MACROH2A2: variants seen among roughly 807,000 people sequenced by gnomAD.
The protein encoded by MACROH2A2 is macroH2A.2 histone, also known as core histone macro-H2A.2.
Under a neutral mutation model 37.6 loss-of-function variants are expected in MACROH2A2, and 6 were observed. That is an observed-to-expected ratio of 0.16 (90% CI 0.09 to 0.32). The LOEUF (loss-of-function observed/expected upper bound fraction) is 0.32. Ranked by LOEUF, MACROH2A2 falls within the 10% of genes least tolerant of loss-of-function variation. The pLI is 1.00. For missense variants in MACROH2A2, 290 were observed against 485.9 expected, an observed-to-expected ratio of 0.60 and a Z score of 3.79; for synonymous variants, 192 against 202.7, an observed-to-expected ratio of 0.95 and a Z score of 0.45.
intron 2 of MACROH2A2, among the ~76,000 whole-genome samples, chr10:70,087,382 G>A (rs1246479835): frequency 4.0e-5 from 6 of 151,858 alleles, no homozygotes; most frequent in Non-Finnish European, 7.4e-5. Flanking sequence ...ATAGGCGCAC[G>A]CCACCAAGCC....
chr10:70,082,289 CAT>C (rs1435653462), intron 2 of MACROH2A2, among the ~76,000 whole-genome samples: 5 of 152,154 alleles, frequency 3.3e-5, no homozygotes, highest in African/African-American at 7.2e-5. Flanking sequence ...TGTGGTGGTG[CAT>C]GCCTGTAATC....
intron 2 of MACROH2A2, among the ~76,000 whole-genome samples, chr10:70,079,555 G>A (rs868297433): frequency 1.0e-4 from 11 of 107,910 alleles, no homozygotes; most frequent in African/African-American, 4.2e-4. Context: ...GAGGGTTCGC[G>A]CGCGCGCGCG....
At chr10:70,062,124 A>G (rs1026714768) in intron 1 of MACROH2A2, among the ~76,000 whole-genome samples, 14 of 152,342 alleles carry the variant, frequency 9.2e-5, no homozygotes, top group African/African-American at 3.4e-4. Flanking sequence ...GTCAAACTCT[A>G]TTAGGTGGGA....
At chr10:70,087,202 G>A (rs1191929388) in intron 2 of MACROH2A2, among the ~76,000 whole-genome samples, 1 of 150,732 alleles carries the variant, frequency 6.6e-6, no homozygotes, top group Non-Finnish European at 1.5e-5. Flanking sequence ...AAGTCTATTT[G>A]AAAGCCTTAT....
intron 7 of MACROH2A2, among the ~76,000 whole-genome samples, chr10:70,102,971 A>C: frequency 6.9e-6 from 1 of 145,606 alleles, no homozygotes; most frequent in East Asian, 2.1e-4. Context: ...TATAAGATGC[A>C]GAGTCGCTTC....
In MACROH2A2 at chr10:70,088,027, A is replaced by G. The variant is rs556283946; in HGVS notation, c.173-2033A>G. Among the ~76,000 whole-genome samples, 7 of 152,310 alleles carry G rather than the reference A, an allele frequency of 4.6e-5. No individual in the cohort carries two copies. In the East Asian group the frequency reaches 1.2e-3, roughly 25 times the overall value. ...TTTATTTGAAATTAGATTGATTGCA[A>G]AGACTCATACAAAGTCATCTGTTAA... is the stretch of plus-strand genomic sequence containing the variant. On this transcript the variant is annotated intron_variant, in intron 2 of 8. Transcript: ENST00000373255.
intron 4 of MACROH2A2, among the ~76,000 whole-genome samples, 153 bp from the exon 5 acceptor site, chr10:70,093,581 CT>C (rs1388707937): frequency 6.6e-6 from 1 of 152,190 alleles, no homozygotes; most frequent in Non-Finnish European, 1.5e-5. Context: ...ATATTGCTGA[CT>C]TTTGCTCCCC....
chr10:70,075,748 T>C lies in MACROH2A2; in HGVS notation c.90T>C (p.Arg30=). 1 of 1,614,048 alleles carries C rather than the reference T, an allele frequency of 6.2e-7. No homozygotes were observed. Among genetic ancestry groups the C allele is most frequent in the Non-Finnish European group, 8.5e-7 (1 of 1,179,942 alleles). ...TCTTTCCAGTGGGGAGGCTGATGCG[T>C]TATCTGAAGAAAGGGACGTTCAAGT... ...GVIFPVGRLM[R]YLKKGTFKYR... is the part of the protein sequence containing the mutation. Residue 30 remains arginine, a synonymous_variant, in exon 2 of 9, where the codon CGT becomes CGC. Coordinates refer to ENST00000373255, the MANE Select transcript of MACROH2A2 (RefSeq NM_018649.3). The surrounding 1 kb of genome is among the most constrained non-coding windows in gnomAD (Gnocchi z 5.0).
At position 70,100,251 on chromosome 10, in the gene MACROH2A2, G is replaced by C; in HGVS notation, c.732G>C (p.Thr244=). 6.2e-7 allele frequency: 1 copy of C among 1,611,942 alleles called. No homozygotes were observed. Among genetic ancestry groups the C allele is most frequent in the Admixed American group, 1.7e-5 (1 of 59,934 alleles). The change falls in exon 7 of 9, where the codon ACG becomes ACC. Residue 244 remains threonine, a synonymous_variant. Coordinates refer to ENST00000373255, the MANE Select transcript of MACROH2A2 (RefSeq NM_018649.3). Reference sequence around the variant, plus strand: ...CTGGGGGAAAAGAGTTCTTGGAAACGGTAAAGGAGCTTCGCAAATCCCAAG... The same window carrying C: ...CTGGGGGAAAAGAGTTCTTGGAAACCGTAAAGGAGCTTCGCAAATCCCAAG... ...EKAGGKEFLE[T]VKELRKSQGP...
At position 70,088,279 on chromosome 10, in the gene MACROH2A2, G is replaced by A. The variant is rs183123858; in HGVS notation, c.173-1781G>A. Among the ~76,000 whole-genome samples the A allele has an allele frequency of 1.4e-4, 22 of 151,746 alleles. No individual in the cohort carries two copies. The East Asian group carries it at 2.7e-3, about 19-fold the overall frequency. ...ACTCACACACACACAGTACATTCACGCACACGCACACATGCACACTTTCCC... is the reference window on the plus strand; with the variant it reads ...ACTCACACACACACAGTACATTCACACACACGCACACATGCACACTTTCCC... On this transcript the variant is annotated intron_variant, in intron 2 of 8. Coordinates refer to ENST00000373255, the MANE Select transcript of MACROH2A2 (RefSeq NM_018649.3).
Position 70,075,664 on chromosome 10 carries a change from G to A in MACROH2A2, c.6G>A (p.Ser2=), listed in dbSNP as rs770716962. 2.4e-4 allele frequency: 381 copies of A among 1,614,070 alleles called. 2 individuals carry two copies. Among genetic ancestry groups the A allele is most frequent in the Non-Finnish European group, 2.6e-5 (31 of 1,179,960 alleles). The change falls in exon 2 of 9, where the codon TCG becomes TCA. Residue 2 remains serine, a synonymous_variant. Coordinates refer to ENST00000373255, the MANE Select transcript of MACROH2A2 (RefSeq NM_018649.3). The surrounding 1 kb of genome is among the most constrained non-coding windows in gnomAD (Gnocchi z 5.0). M[S]GRSGKKKMSK... is the part of the protein sequence containing the mutation. Reference sequence around the variant, plus strand: ...GAGAGGGAAACTGAAGCAAGATGTCGGGCCGGAGTGGGAAGAAGAAAATGT... The same window carrying A: ...GAGAGGGAAACTGAAGCAAGATGTCAGGCCGGAGTGGGAAGAAGAAAATGT...
At chr10:70,070,242 TAA>T (rs2072101308) in intron 1 of MACROH2A2, among the ~76,000 whole-genome samples, 1 of 152,108 alleles carries the variant, frequency 6.6e-6, no homozygotes, top group South Asian at 2.1e-4. Context: ...AATACATGCA[TAA>T]GTCAGTCCAT....
At chr10:70,106,247 T>G (rs2072336791) in intron 7 of MACROH2A2, among the ~76,000 whole-genome samples, 1 of 152,178 alleles carries the variant, frequency 6.6e-6, no homozygotes, top group Non-Finnish European at 1.5e-5. Flanking sequence ...CAACATCACA[T>G]TAGGTAAGAG....
chr10:70,058,731 T>G (rs2072031900), intron 1 of MACROH2A2, among the ~76,000 whole-genome samples: 1 of 152,072 alleles, frequency 6.6e-6, no homozygotes, highest in South Asian at 2.1e-4. Context: ...AATTAAATAG[T>G]GGTGGTGGAC....
chr10:70,110,506 T>C (rs1333466695), intron 8 of MACROH2A2, among the ~76,000 whole-genome samples: 1 of 152,206 alleles, frequency 6.6e-6, no homozygotes, highest in Non-Finnish European at 1.5e-5. Flanking sequence ...AAAACTTCTG[T>C]TTGCTTGTTT....
Position 70,075,410 on chromosome 10 carries a change from G to A in MACROH2A2, c.-59-190G>A, listed in dbSNP as rs1356948058. Among the ~76,000 whole-genome samples the A allele has an allele frequency of 6.6e-6, 1 of 152,128 alleles. No individual in the cohort carries two copies. Among genetic ancestry groups the A allele is most frequent in the Admixed American group, 6.5e-5 (1 of 15,272 alleles). ...CTTTGGTGGGGGAGGGATGTTTGTG[G>A]GTGGGCTTGCCCATGCCCTTCAGAG... On this transcript the variant is annotated intron_variant, in intron 1 of 8. Coordinates refer to ENST00000373255, the MANE Select transcript of MACROH2A2 (RefSeq NM_018649.3). The surrounding 1 kb of genome is among the most constrained non-coding windows in gnomAD (Gnocchi z 5.0).
chr10:70,087,155 C>T (rs1409861201), intron 2 of MACROH2A2, among the ~76,000 whole-genome samples: 2 of 152,002 alleles, frequency 1.3e-5, no homozygotes, highest in African/African-American at 4.8e-5. Context: ...TGCACTCCAG[C>T]CTGGGTGACA....
chr10:70,084,476 C>T (rs1041279006), intron 2 of MACROH2A2, among the ~76,000 whole-genome samples: 1 of 152,202 alleles, frequency 6.6e-6, no homozygotes, highest in Non-Finnish European at 1.5e-5. Flanking sequence ...CACTTGAACC[C>T]AGGTTAAAAC....
chr10:70,079,761 A>G (rs1326602613), intron 2 of MACROH2A2, among the ~76,000 whole-genome samples: 1 of 152,118 alleles, frequency 6.6e-6, no homozygotes, highest in Non-Finnish European at 1.5e-5. Context: ...GCCAGGACCA[A>G]GGGTGCACAG....
Sources: gnomAD v4.1 joint callset for allele counts (sites outside exome capture counted in the v4.1 genomes callset) on GRCh38, gnomAD v4.1.1 for gene constraint, Gnocchi (gnomAD v3.1) non-coding constraint, MANE v1.5 for transcripts, NCBI Gene and HGNC (gene_info 2026-07-23, HGNC 2026-07-21) for gene names.